PRKN: variants seen among roughly 807,000 people sequenced by gnomAD.
The protein encoded by PRKN is parkin RBR E3 ubiquitin protein ligase.
PRKN carries 56 observed loss-of-function variants against 59.5 expected under a neutral mutation model. The observed-to-expected ratio is 0.94, with a 90% CI of 0.76 to 1.18. PRKN has a LOEUF of 1.18. PRKN is among the 50% of genes most tolerant of loss of function. PRKN has a pLI of 0.00. For synonymous variants in PRKN, 250 were observed against 222.1 expected (o/e 1.13, Z -1.12); for missense variants, 657 against 596.4 (o/e 1.10, Z -1.06).
At chr6:162,008,583 G>C (rs1782354005) in intron 5 of PRKN, among the ~76,000 whole-genome samples, 1 of 152,094 alleles carries the variant, frequency 6.6e-6, no homozygotes, top group African/African-American at 2.4e-5. Context: ...TGAACCCCAG[G>C]AGAATCTGGA....
chr6:161,499,132 ATTT>A lies in PRKN; in HGVS notation c.1083+49719_1083+49721del, dbSNP rs1554267942. Reference sequence around the variant, plus strand: ...AGGGTCTGGACACACACACACACACATTTTTTTTTTTTTTTTGGCTCACAGAGT... The same window carrying A: ...AGGGTCTGGACACACACACACACACATTTTTTTTTTTTTGGCTCACAGAGT... On this transcript the variant is annotated intron_variant, in intron 9 of 11. Transcript: ENST00000366898. The surrounding 1 kb of genome is among the most constrained non-coding windows in gnomAD (Gnocchi z 4.2). Among the ~76,000 whole-genome samples the A allele has an allele frequency of 1.6e-4, 22 of 136,548 alleles. No individual in the cohort carries two copies. Among genetic ancestry groups the A allele is most frequent in the African/African-American group, 4.1e-4 (15 of 36,864 alleles). The allele number at this position is 136,548 out of a possible 152,430, so 89.6% of individuals were successfully genotyped here.
chr6:162,179,475 C>T (rs1227555786), intron 4 of PRKN, among the ~76,000 whole-genome samples: 1 of 152,186 alleles, frequency 6.6e-6, no homozygotes, highest in East Asian at 1.9e-4. Context: ...TCCTCATTTC[C>T]TCTAACCCCA....
At chr6:161,610,186 C>A (rs1264144525) in intron 7 of PRKN, among the ~76,000 whole-genome samples, 1 of 152,106 alleles carries the variant, frequency 6.6e-6, no homozygotes, top group Non-Finnish European at 1.5e-5. Flanking sequence ...AACACTGTCC[C>A]TGTGTCACAA....
At chr6:161,925,330 G>A (rs1778928652) in intron 6 of PRKN, among the ~76,000 whole-genome samples, 1 of 152,176 alleles carries the variant, frequency 6.6e-6, no homozygotes, top group African/African-American at 2.4e-5. Flanking sequence ...CCAGCACTTT[G>A]GGAGGCAGAG....
chr6:162,238,842 G>A (rs1036520101), intron 3 of PRKN, among the ~76,000 whole-genome samples: 5 of 152,182 alleles, frequency 3.3e-5, no homozygotes, highest in Admixed American at 1.3e-4. Context: ...AGCAAGGCAC[G>A]TGGAGCAGGA....
intron 7 of PRKN, among the ~76,000 whole-genome samples, chr6:161,694,514 AT>A (rs539743843): frequency 2.2e-4 from 33 of 150,276 alleles, no homozygotes; most frequent in Admixed American, 1.3e-3. Context: ...GTCACTATGG[AT>A]TTTTTTTTTA....
chr6:162,228,134 T>C (rs1290369807), intron 3 of PRKN, among the ~76,000 whole-genome samples: 1 of 152,186 alleles, frequency 6.6e-6, no homozygotes, highest in South Asian at 2.1e-4. Flanking sequence ...CAAGAGGGAT[T>C]GAACCACGTA....
chr6:162,059,638 G>A (rs1348568008), intron 4 of PRKN, among the ~76,000 whole-genome samples: 1 of 152,140 alleles, frequency 6.6e-6, no homozygotes, highest in East Asian at 1.9e-4. Context: ...AATTAGAGAA[G>A]CAAAACCACT....
chr6:161,455,565 T>A (rs897484313), intron 9 of PRKN, among the ~76,000 whole-genome samples: 1 of 152,060 alleles, frequency 6.6e-6, no homozygotes, highest in Non-Finnish European at 1.5e-5. Context: ...GCCATGAAGT[T>A]ACAGAAATAT....
At chr6:161,622,148 T>C (rs1782927683) in intron 7 of PRKN, among the ~76,000 whole-genome samples, 1 of 152,090 alleles carries the variant, frequency 6.6e-6, no homozygotes, top group Non-Finnish European at 1.5e-5. Flanking sequence ...CCCAGGCTGT[T>C]TGCAGATGGG....
At chr6:161,589,836 G>T (rs1278130852) in intron 7 of PRKN, among the ~76,000 whole-genome samples, 3 of 146,140 alleles carry the variant, frequency 2.1e-5, no homozygotes, top group Non-Finnish European at 4.5e-5. Flanking sequence ...CTGGTGTGTA[G>T]TGGTGCAATC....
chr6:161,660,612 C>A (rs1056718977), intron 7 of PRKN, among the ~76,000 whole-genome samples: 3 of 152,090 alleles, frequency 2.0e-5, no homozygotes, highest in Non-Finnish European at 4.4e-5. Context: ...ACGTGAACAG[C>A]GGCAGTGGCC....
Position 161,413,418 on chromosome 6 carries a change from C to A in PRKN, c.1084-26541G>T, listed in dbSNP as rs117579011. ...TGACAGCTGCAGCAGGTCGCCAGTGCATCAACACAGAGTAACCGAATACAT... is the reference window on the plus strand; with the variant it reads ...TGACAGCTGCAGCAGGTCGCCAGTGAATCAACACAGAGTAACCGAATACAT... On this transcript the variant is annotated intron_variant, in intron 9 of 11. Transcript: ENST00000366898. This position sits in a 1 kb window ranked among gnomAD's most constrained non-coding sequence, Gnocchi z 4.4. Among the ~76,000 whole-genome samples, 177 of 152,312 alleles carry A rather than the reference C, an allele frequency of 1.2e-3. 2 individuals are homozygous for A. In the East Asian group the frequency reaches 0.024, roughly 21 times the overall value.
At chr6:161,510,737 A>G (rs1487455227) in intron 9 of PRKN, among the ~76,000 whole-genome samples, 1 of 152,220 alleles carries the variant, frequency 6.6e-6, no homozygotes, top group East Asian at 1.9e-4. Flanking sequence ...AGAAAATAAT[A>G]GCAAGTCAAG....
At chr6:162,084,204 A>C (rs932379031) in intron 4 of PRKN, among the ~76,000 whole-genome samples, 10 of 152,146 alleles carry the variant, frequency 6.6e-5, no homozygotes, top group African/African-American at 2.4e-4. Context: ...AAAGATTTTT[A>C]CCATTAAAAG....
At chr6:161,556,698 G>C (rs1354240814) in intron 8 of PRKN, among the ~76,000 whole-genome samples, 1 of 152,160 alleles carries the variant, frequency 6.6e-6, no homozygotes, top group Non-Finnish European at 1.5e-5. Context: ...TGATATTCTT[G>C]TATTGGTTCC....
chr6:161,370,585 CTG>C (rs1168799027), intron 10 of PRKN, among the ~76,000 whole-genome samples: 3 of 75,568 alleles, frequency 4.0e-5, no homozygotes, highest in Non-Finnish European at 6.8e-5. Flanking sequence ...GAGCAAGACT[CTG>C]TGTCAAAAAA....
In PRKN at chr6:161,409,579, C is replaced by G. The variant is rs1320842803; in HGVS notation, c.1084-22702G>C. Among the ~76,000 whole-genome samples the G allele has an allele frequency of 6.6e-6, 1 of 152,108 alleles. No individual in the cohort carries two copies. Among genetic ancestry groups the G allele is most frequent in the Non-Finnish European group, 1.5e-5 (1 of 68,024 alleles). ...TGCTTGCTGGATATTTTTAGATTGC[C>G]AGAATGTTCAGTGGAATCACATAAG... is the stretch of plus-strand genomic sequence containing the variant. On this transcript the variant is annotated intron_variant, in intron 9 of 11. Coordinates refer to ENST00000366898, the MANE Select transcript of PRKN (RefSeq NM_004562.3). The surrounding 1 kb of genome is among the most constrained non-coding windows in gnomAD (Gnocchi z 4.6).
At chr6:162,265,517 C>T (rs1054457833) in intron 2 of PRKN, among the ~76,000 whole-genome samples, 11 of 152,094 alleles carry the variant, frequency 7.2e-5, no homozygotes, top group African/African-American at 2.7e-4. Flanking sequence ...ACGGTGAAAC[C>T]CCGTCTGTAC....
Sources: allele counts gnomAD v4.1 joint callset (sites outside exome capture counted in the v4.1 genomes callset), GRCh38; gene constraint gnomAD v4.1.1; non-coding constraint Gnocchi (gnomAD v3.1); transcripts MANE v1.5; gene names NCBI Gene and HGNC (gene_info 2026-07-23, HGNC 2026-07-21).